The following CPED1 variants were observed in gnomAD, a reference collection of about 807,000 sequenced individuals.
The protein encoded by CPED1 is cadherin like and PC-esterase domain containing 1.
Under a neutral mutation model 128.2 loss-of-function variants are expected in CPED1, and 114 were observed. That is an observed-to-expected ratio of 0.89 (90% CI 0.76 to 1.04). CPED1 has a LOEUF of 1.04. Ranked by LOEUF, CPED1 falls within the 50% of genes least tolerant of loss-of-function variation. The pLI is 0.00. For synonymous variants in CPED1, 462 were observed against 426.7 expected (o/e 1.08, Z -1.02); for missense variants, 1,211 against 1,207.1 (o/e 1.00, Z -0.05).
intron 16 of CPED1, among the ~76,000 whole-genome samples, chr7:121,163,953 G>T (rs1394491078): frequency 6.6e-6 from 1 of 152,174 alleles, no homozygotes; most frequent in East Asian, 1.9e-4. Flanking sequence ...TCACAGGGTT[G>T]GATAGACCAA....
intron 16 of CPED1, among the ~76,000 whole-genome samples, chr7:121,174,947 G>C (rs1484244469): frequency 3.3e-5 from 5 of 151,992 alleles, no homozygotes; most frequent in African/African-American, 1.2e-4. Flanking sequence ...CACCTCCCTG[G>C]TTAGCTGTAT....
chr7:121,208,715 C>A (rs1033347944), intron 16 of CPED1, among the ~76,000 whole-genome samples: 1 of 152,016 alleles, frequency 6.6e-6, no homozygotes, highest in African/African-American at 2.4e-5. Context: ...GTCACAATGA[C>A]TCTGGTTTCC....
intron 16 of CPED1, among the ~76,000 whole-genome samples, chr7:121,210,114 A>AT (rs1351573157): frequency 9.9e-5 from 15 of 152,204 alleles, no homozygotes; most frequent in African/African-American, 2.9e-4. Context: ...ATGAGCTATC[A>AT]TCTCACCCCA....
At chr7:121,074,509 G>GTTTTTTTT (rs1157885862) in intron 5 of CPED1, among the ~76,000 whole-genome samples, 23,515 of 80,256 alleles carry the variant, frequency 0.29, 5,066 homozygotes, top group East Asian at 0.37. Flanking sequence ...TTTCCTTTGT[G>GTTTTTTTT]TTTTTTTTTT....
intron 3 of CPED1, among the ~76,000 whole-genome samples, chr7:121,043,985 AG>A (rs1423549466): frequency 6.6e-6 from 1 of 152,164 alleles, no homozygotes; most frequent in Non-Finnish European, 1.5e-5. Flanking sequence ...TTGGCTCCAA[AG>A]CCCCGCAATA....
intron 16 of CPED1, among the ~76,000 whole-genome samples, chr7:121,181,440 T>A (rs1796894904): frequency 6.6e-6 from 1 of 152,208 alleles, no homozygotes; most frequent in East Asian, 1.9e-4. Flanking sequence ...ATCTCAATTG[T>A]TTTTTGGATG....
At chr7:121,006,199 G>T (rs992478319) in intron 2 of CPED1, among the ~76,000 whole-genome samples, 2 of 152,076 alleles carry the variant, frequency 1.3e-5, no homozygotes, top group Admixed American at 1.3e-4. Context: ...TTGGCATCAG[G>T]GGACAGAGAC....
At chr7:121,075,767 G>A (rs12670664) in intron 5 of CPED1, among the ~76,000 whole-genome samples, 69,986 of 151,866 alleles carry the variant, frequency 0.46, 16,391 homozygotes, top group East Asian at 0.61. Context: ...AGTAAGTGAT[G>A]AAATAGGCTG....
chr7:121,185,133 C>T lies in CPED1; in HGVS notation c.2055+42992C>T, dbSNP rs78141939. On this transcript the variant is annotated intron_variant, in intron 16 of 22. Coordinates refer to ENST00000310396, the MANE Select transcript of CPED1 (RefSeq NM_024913.5). ...TACTATCCTATCACCACTCCTGAGA[C>T]CCAAAGCAGAATCAAATTCTCCAGG... 2.9e-3 allele frequency among the ~76,000 whole-genome samples: 440 copies of T among 152,102 alleles called. 4 individuals carry two copies. The highest frequency in any genetic ancestry group is 0.01 in the African/African-American group (416 of 41,502).
chr7:121,136,950 A>G (rs902976331), intron 14 of CPED1, among the ~76,000 whole-genome samples: 2 of 151,994 alleles, frequency 1.3e-5, no homozygotes, highest in Admixed American at 1.3e-4. Flanking sequence ...AATATTCTAT[A>G]ATATAGTGTA....
chr7:121,015,094 C>G (rs944701775), intron 2 of CPED1, among the ~76,000 whole-genome samples: 1 of 152,144 alleles, frequency 6.6e-6, no homozygotes, highest in Non-Finnish European at 1.5e-5. Context: ...AGTAGTTCTC[C>G]TCTCCTCACA....
Position 121,130,123 on chromosome 7 carries a change from A to G in CPED1, c.1408-2A>G, listed in dbSNP as rs1285676884. ...ACTTATACTGATATTTTGTGTTCTC[A>G]GCTCTTCCCATCTACTACTCCTGGG... On this transcript the variant is annotated splice_acceptor_variant, in intron 11 of 22. Coordinates refer to ENST00000310396, the MANE Select transcript of CPED1 (RefSeq NM_024913.5). LOFTEE classifies it high-confidence loss of function. 1.2e-6 allele frequency: 2 copies of G among 1,609,742 alleles called. No individual in the cohort carries two copies. Among genetic ancestry groups the G allele is most frequent in the Non-Finnish European group, 8.5e-7 (1 of 1,176,582 alleles).
At chr7:121,234,856 T>C (rs1249302429) in intron 16 of CPED1, among the ~76,000 whole-genome samples, 1 of 152,172 alleles carries the variant, frequency 6.6e-6, no homozygotes, top group East Asian at 1.9e-4. Flanking sequence ...TCTATAACTT[T>C]TGGATATTTT....
At chr7:121,288,216 T>C (rs573965550) in intron 22 of CPED1, among the ~76,000 whole-genome samples, 14 of 152,336 alleles carry the variant, frequency 9.2e-5, no homozygotes, top group Admixed American at 2.0e-4. Context: ...AAAATTGAAC[T>C]AATTCTTTAT....
chr7:121,037,642 C>T (rs559565123), intron 3 of CPED1, among the ~76,000 whole-genome samples: 54 of 151,918 alleles, frequency 3.6e-4, no homozygotes, highest in African/African-American at 1.0e-3. Flanking sequence ...TCCATATGAA[C>T]GTTAGGATTA....
intron 16 of CPED1, among the ~76,000 whole-genome samples, chr7:121,157,087 C>G (rs1796302489): frequency 6.6e-6 from 1 of 152,162 alleles, no homozygotes; most frequent in Non-Finnish European, 1.5e-5. Flanking sequence ...AAACGTTATA[C>G]TTGGATTTTT....
intron 21 of CPED1, 96 bp from the exon 22 acceptor site, chr7:121,271,188 A>G: frequency 1.1e-6 from 1 of 946,954 alleles, no homozygotes; most frequent in Non-Finnish European, 1.6e-6. Flanking sequence ...GACTAATCCC[A>G]GTAAAAAAGA....
At chr7:121,106,395 T>C (rs1794977313) in intron 7 of CPED1, among the ~76,000 whole-genome samples, 1 of 152,060 alleles carries the variant, frequency 6.6e-6, no homozygotes, top group South Asian at 2.1e-4. Context: ...TATGACAGTG[T>C]AAAGGTAAAA....
intron 5 of CPED1, among the ~76,000 whole-genome samples, chr7:121,070,894 GTC>G (rs1295019501): frequency 1.3e-5 from 2 of 152,086 alleles, no homozygotes; most frequent in Non-Finnish European, 2.9e-5. Context: ...GCTCACATAA[GTC>G]TGTTTAGGGA....
Sources: gnomAD v4.1 joint callset for allele counts (sites outside exome capture counted in the v4.1 genomes callset) on GRCh38, gnomAD v4.1.1 for gene constraint, MANE v1.5 for transcripts, NCBI Gene and HGNC (gene_info 2026-07-23, HGNC 2026-07-21) for gene names.